PARVB: variants seen among roughly 807,000 people sequenced by gnomAD.
PARVB encodes parvin beta, also known as beta-parvin.
Under a neutral mutation model 47.0 loss-of-function variants are expected in PARVB, and 46 were observed. The observed-to-expected ratio is 0.98, with a 90% confidence interval of 0.77 to 1.25. The LOEUF is 1.25. PARVB is among the 50% of genes most tolerant of loss of function. The pLI, the probability that PARVB is intolerant of heterozygous loss-of-function variation, is 0.00. For missense variants in PARVB, 473 were observed against 471.6 expected, an observed-to-expected ratio of 1.00 and a Z score of -0.03; for synonymous variants, 196 against 196.3, an observed-to-expected ratio of 1.00 and a Z score of 0.01.
chr22:44,028,304 ATT>A (rs35072055), intron 1 of PARVB, among the ~76,000 whole-genome samples: 1 of 123,404 alleles, frequency 8.1e-6, no homozygotes, highest in East Asian at 3.9e-4. Context: ...ACCACGGATC[ATT>A]TTTTTGTTTT....
At chr22:44,023,113 C>A (rs1212157437), upstream of PARVB, among the ~76,000 whole-genome samples, 1 of 152,176 alleles carries the variant, frequency 6.6e-6, no homozygotes, top group Non-Finnish European at 1.5e-5. Context: ...GTTTGCTTTT[C>A]TCCTAAGTCA....
chr22:44,147,614 G>A (rs1490568525), intron 8 of PARVB: 1 of 697,712 alleles, frequency 1.4e-6, no homozygotes, highest in Non-Finnish European at 2.7e-6. Flanking sequence ...CAGGTGGAAG[G>A]GACCCTCTGC....
chr22:44,071,161 A>G (rs761973233), intron 1 of PARVB, among the ~76,000 whole-genome samples: 6 of 152,170 alleles, frequency 3.9e-5, no homozygotes, highest in South Asian at 2.1e-4. Flanking sequence ...CTCACAGTAC[A>G]TTAGCAGAGT....
intron 3 of PARVB, chr22:44,112,778 T>C (rs1259147917): frequency 1.3e-5 from 1 of 74,942 alleles, no homozygotes; most frequent in Non-Finnish European, 2.5e-5. Flanking sequence ...TGTTACTAAG[T>C]AAGGCCCTGC....
chr22:44,167,448 G>A (rs899359988), intron 12 of PARVB, among the ~76,000 whole-genome samples: 36 of 152,138 alleles, frequency 2.4e-4, no homozygotes, highest in African/African-American at 7.2e-4. Context: ...GGGCTGCTGC[G>A]TGGGGGCATC....
At chr22:44,100,005 C>T in intron 2 of PARVB, 48 bp from the exon 3 acceptor site, 1 of 1,514,582 alleles carries the variant, frequency 6.6e-7, no homozygotes, top group Non-Finnish European at 9.2e-7. Context: ...CCCCGTGTCC[C>T]TGCCACCCCC....
intron 1 of PARVB, among the ~76,000 whole-genome samples, chr22:44,091,775 C>G (rs1052931283): frequency 6.6e-6 from 1 of 152,202 alleles, no homozygotes; most frequent in Non-Finnish European, 1.5e-5. Flanking sequence ...AAGGTTCCCT[C>G]GAATCAAAGA....
intron 6 of PARVB, among the ~76,000 whole-genome samples, chr22:44,136,177 T>C (rs2053436462): frequency 6.6e-6 from 1 of 151,928 alleles, no homozygotes; most frequent in South Asian, 2.1e-4. Context: ...TGACCTGGGG[T>C]GTTTCTCCTG....
At position 44,061,111 on chromosome 22, in the gene PARVB, C is replaced by T. The variant is rs1003396419; in HGVS notation, c.113-32817C>T. On this transcript the variant is annotated intron_variant, in intron 1 of 12. Transcript: ENST00000338758. ...ACTTGGGAACACTAGGAGTACCCCT[C>T]GCCACGCGTGGGGACCCATTTTAAA... 3.3e-5 allele frequency among the ~76,000 whole-genome samples: 5 copies of T among 152,242 alleles called. No individual in the cohort carries two copies. In the South Asian group the frequency reaches 6.2e-4, roughly 19 times the overall value.
intron 3 of PARVB, among the ~76,000 whole-genome samples, chr22:44,101,649 G>C (rs2052450699): frequency 6.6e-6 from 1 of 151,198 alleles, no homozygotes; most frequent in Admixed American, 6.6e-5. Context: ...TACTCGGGAG[G>C]CTGAGGCAGA....
intron 1 of PARVB, among the ~76,000 whole-genome samples, chr22:44,075,382 G>A (rs547206088): frequency 1.2e-4 from 19 of 152,162 alleles, no homozygotes; most frequent in Non-Finnish European, 2.2e-4. Flanking sequence ...TGACTGCACG[G>A]CCCCACCACG....
chr22:44,163,196 G>T (rs768119433), intron 11 of PARVB, among the ~76,000 whole-genome samples: 1 of 152,214 alleles, frequency 6.6e-6, no homozygotes, highest in East Asian at 1.9e-4. Flanking sequence ...TGGGCCAGGC[G>T]CAGCGGCTCA....
intron 2 of PARVB, among the ~76,000 whole-genome samples, chr22:44,097,737 A>G (rs2036141814): frequency 6.6e-6 from 1 of 152,026 alleles, no homozygotes; most frequent in Non-Finnish European, 1.5e-5. Context: ...CCACCCTCTC[A>G]GGCCCACTGT....
At chr22:44,063,231 CT>C (rs71188427) in intron 1 of PARVB, among the ~76,000 whole-genome samples, 145 of 143,902 alleles carry the variant, frequency 1.0e-3, no homozygotes, top group Middle Eastern at 3.5e-3. Context: ...CTTTTCTTTT[CT>C]TTTTTTTTTT....
chr22:44,086,798 A>G (rs572989183), intron 1 of PARVB: 2 of 985,482 alleles, frequency 2.0e-6, no homozygotes, highest in East Asian at 1.1e-4. Flanking sequence ...TACAGCTTCT[A>G]CGAAGAAACC....
Position 44,007,669 on chromosome 22 carries a change from G to GT in PARVB, c.211+8005dup, listed in dbSNP as rs201941691. ...GGGTTTGACAACAGGCTTTAAAAAA[G>GT]TTTTTTTTTGGTAAAATGCACATAA... On this transcript the variant is annotated intron_variant, in intron 2 of 13. Transcript: ENST00000406477. Among the ~76,000 whole-genome samples, 96 of 151,710 alleles carry GT rather than the reference G, an allele frequency of 6.3e-4. 1 individual carries two copies. The East Asian group carries it at 0.012, about 19-fold the overall frequency.
At chr22:44,141,467 T>G (rs2053551350) in intron 8 of PARVB, 1 of 152,182 alleles carries the variant, frequency 6.6e-6, no homozygotes, top group African/African-American at 2.4e-5. Flanking sequence ...AGTCTAGTCT[T>G]TTCATGTTCT....
At position 44,093,926 on chromosome 22, in the gene PARVB, A is replaced by T; in HGVS notation, c.113-2A>T. 1 of 1,610,652 alleles carries T rather than the reference A, an allele frequency of 6.2e-7. No individual in the cohort carries two copies. The highest frequency in any genetic ancestry group is 8.5e-7 in the Non-Finnish European group (1 of 1,177,124). ...TGGTTTTTCTTTCCTTTTGCTCAAC[A>T]GTGAGTGACCTGCAGGAAGAAGGCA... On this transcript the variant is annotated splice_acceptor_variant, in intron 1 of 12. Transcript: ENST00000338758. LOFTEE classifies it high-confidence loss of function.
intron 2 of PARVB, among the ~76,000 whole-genome samples, chr22:44,004,304 C>T (rs543471399): frequency 5.4e-5 from 8 of 149,366 alleles, no homozygotes; most frequent in African/African-American, 1.5e-4. Context: ...TTGAGCTCCC[C>T]GCAACTGAAG....
Sources: allele counts gnomAD v4.1 joint callset (sites outside exome capture counted in the v4.1 genomes callset), GRCh38; gene constraint gnomAD v4.1.1; transcripts MANE v1.5; gene names NCBI Gene and HGNC (gene_info 2026-07-23, HGNC 2026-07-21).